The following GRID1 variants were observed in gnomAD, a reference collection of about 807,000 sequenced individuals.
GRID1 encodes the protein glutamate ionotropic receptor delta type subunit 1.
GRID1 carries 28 observed loss-of-function variants against 98.0 expected under a neutral mutation model. The observed-to-expected ratio is 0.29, with a 90% CI of 0.21 to 0.39. GRID1 has a LOEUF of 0.39. Ranked by LOEUF, GRID1 falls within the 10% of genes least tolerant of loss-of-function variation. GRID1 has a pLI of 1.00. For missense variants in GRID1, 1,111 were observed against 1,340.5 expected, an observed-to-expected ratio of 0.83 and a Z score of 2.67; for synonymous variants, 553 against 538.5, an observed-to-expected ratio of 1.03 and a Z score of -0.37.
At chr10:86,298,044 A>G (rs1847620464) in intron 2 of GRID1, among the ~76,000 whole-genome samples, 1 of 152,210 alleles carries the variant, frequency 6.6e-6, no homozygotes, top group Non-Finnish European at 1.5e-5. Flanking sequence ...TCTTTGACCC[A>G]ATAATCTTCT....
At chr10:86,176,832 T>A (rs143857317) in intron 3 of GRID1, among the ~76,000 whole-genome samples, 1 of 150,694 alleles carries the variant, frequency 6.6e-6, no homozygotes, top group East Asian at 2.0e-4. Context: ...GATGGAGGAG[T>A]AGATGCAAGG....
intron 4 of GRID1, among the ~76,000 whole-genome samples, chr10:85,972,425 T>C (rs1842420434): frequency 6.7e-6 from 1 of 148,426 alleles, no homozygotes; most frequent in Non-Finnish European, 1.5e-5. Context: ...CTTAGTCATG[T>C]ATATATTTAT....
intron 2 of GRID1, among the ~76,000 whole-genome samples, chr10:86,313,533 T>C (rs1847859598): frequency 6.6e-6 from 1 of 152,164 alleles, no homozygotes; most frequent in Non-Finnish European, 1.5e-5. Flanking sequence ...ACTTGAAGTG[T>C]GGCACAGGGG....
chr10:86,238,247 C>A (rs1846572016), intron 2 of GRID1, among the ~76,000 whole-genome samples: 1 of 152,250 alleles, frequency 6.6e-6, no homozygotes, highest in Non-Finnish European at 1.5e-5. Context: ...CCTCCCATCA[C>A]AGGCCTGGAG....
intron 4 of GRID1, among the ~76,000 whole-genome samples, chr10:86,007,623 T>A (rs1329507204): frequency 6.6e-6 from 1 of 152,166 alleles, no homozygotes; most frequent in African/African-American, 2.4e-5. Context: ...ACTAGAAAAG[T>A]CAATTAAAAA....
At chr10:86,340,977 T>C (rs1009849534) in intron 2 of GRID1, among the ~76,000 whole-genome samples, 1 of 152,112 alleles carries the variant, frequency 6.6e-6, no homozygotes, top group South Asian at 2.1e-4. Flanking sequence ...AGTGGGCCTG[T>C]CTGTCCAGTC....
At chr10:86,242,756 G>A (rs1846658611) in intron 2 of GRID1, among the ~76,000 whole-genome samples, 1 of 152,206 alleles carries the variant, frequency 6.6e-6, no homozygotes, top group Non-Finnish European at 1.5e-5. Context: ...CCATGTGCCA[G>A]ATACTGGTGC....
chr10:85,700,951 G>A (rs1442600835), intron 12 of GRID1, among the ~76,000 whole-genome samples: 2 of 152,090 alleles, frequency 1.3e-5, no homozygotes, highest in Admixed American at 1.3e-4. Flanking sequence ...ATATTAGGTT[G>A]AAAATTTATA....
intron 4 of GRID1, among the ~76,000 whole-genome samples, chr10:86,040,989 G>A (rs1231796444): frequency 6.6e-6 from 1 of 152,094 alleles, no homozygotes; most frequent in African/African-American, 2.4e-5. Context: ...TGCACAACTT[G>A]GCTCTCTCTG....
At chr10:85,642,818 C>T (rs1342086889) in intron 13 of GRID1, among the ~76,000 whole-genome samples, 1 of 152,188 alleles carries the variant, frequency 6.6e-6, no homozygotes, top group East Asian at 1.9e-4. Context: ...ACTCTATTTC[C>T]AGAGGGTTAG....
intron 3 of GRID1, among the ~76,000 whole-genome samples, chr10:86,145,530 C>G (rs1845075744): frequency 9.4e-6 from 1 of 106,738 alleles, no homozygotes; most frequent in African/African-American, 5.4e-5. Context: ...TTTGCCCACT[C>G]CTGGACATCC....
At chr10:86,054,420 T>A (rs970813209) in intron 4 of GRID1, among the ~76,000 whole-genome samples, 4 of 152,140 alleles carry the variant, frequency 2.6e-5, no homozygotes, top group African/African-American at 7.2e-5. Flanking sequence ...GTTGCTGGAT[T>A]TAGGCAACAA....
intron 2 of GRID1, among the ~76,000 whole-genome samples, chr10:86,236,671 A>C (rs1024642888): frequency 6.6e-5 from 10 of 152,226 alleles, no homozygotes; most frequent in Admixed American, 4.6e-4. Flanking sequence ...ATCAGCAGGC[A>C]GGACCCATTA....
At chr10:85,623,790 C>A (rs534152537) in intron 13 of GRID1, among the ~76,000 whole-genome samples, 32 of 152,308 alleles carry the variant, frequency 2.1e-4, no homozygotes, top group African/African-American at 7.0e-4. Flanking sequence ...TTTCAGAGAT[C>A]TTTCACATTA....
chr10:85,708,841 T>A (rs1841552587), intron 12 of GRID1: 1 of 166,762 alleles, frequency 6.0e-6, no homozygotes, highest in African/African-American at 2.4e-5. Flanking sequence ...GACCTCCACA[T>A]ATGAAATAGG....
chr10:85,714,995 ATAGAG>A (rs1255603895), intron 12 of GRID1, among the ~76,000 whole-genome samples: 3 of 152,174 alleles, frequency 2.0e-5, no homozygotes, highest in East Asian at 3.8e-4. Flanking sequence ...GAAATACAGT[ATAGAG>A]TATAGTAATT....
chr10:86,103,237 G>A (rs1844325698), intron 4 of GRID1, among the ~76,000 whole-genome samples: 1 of 152,182 alleles, frequency 6.6e-6, no homozygotes, highest in South Asian at 2.1e-4. Flanking sequence ...GCCCCTGTGT[G>A]CAACAGAGGT....
chr10:86,247,332 G>C (rs1230965096), intron 2 of GRID1, among the ~76,000 whole-genome samples: 1 of 151,836 alleles, frequency 6.6e-6, no homozygotes, highest in Non-Finnish European at 1.5e-5. Context: ...TAGATGAATA[G>C]ATGGGTGGGT....
At chr10:86,283,777 C>A (rs1328160685) in intron 2 of GRID1, among the ~76,000 whole-genome samples, 2 of 149,978 alleles carry the variant, frequency 1.3e-5, no homozygotes, top group African/African-American at 4.9e-5. Context: ...CACACACCTG[C>A]ATACACACAT....
Sources: gnomAD v4.1 joint callset for allele counts (sites outside exome capture counted in the v4.1 genomes callset) on GRCh38, gnomAD v4.1.1 for gene constraint, MANE v1.5 for transcripts, NCBI Gene and HGNC (gene_info 2026-07-23, HGNC 2026-07-21) for gene names.